Variants in RUNDC3A observed in about 807,000 individuals in gnomAD.
RUNDC3A encodes RUN domain-containing protein 3A.
RUNDC3A carries 28 observed loss-of-function variants against 53.9 expected under a neutral mutation model. That is an observed-to-expected ratio of 0.52 (90% CI 0.38 to 0.71). The LOEUF (loss-of-function observed/expected upper bound fraction) is 0.71. Ranked by LOEUF, RUNDC3A falls within the 30% of genes least tolerant of loss-of-function variation. The pLI is 0.00. For synonymous variants in RUNDC3A, 232 were observed against 249.4 expected (o/e 0.93, Z 0.66); for missense variants, 491 against 597.3 (o/e 0.82, Z 1.85).
intron 1 of RUNDC3A, 137 bp downstream of exon 1, chr17:44,309,076 C>T (rs1402389466): frequency 1.6e-6 from 1 of 625,846 alleles, no homozygotes; most frequent in African/African-American, 1.9e-5. Flanking sequence ...CACTGTCCCT[C>T]CCAGGCCCAG....
intron 4 of RUNDC3A, 190 bp from the exon 5 acceptor site, chr17:44,314,545 T>C (rs996718554): frequency 1.2e-5 from 17 of 1,431,886 alleles, no homozygotes; most frequent in Non-Finnish European, 1.4e-5. Context: ...ACACCCATTC[T>C]AGGTGATGGG....
chr17:44,318,057 T>C (rs182333154), intron 10 of RUNDC3A, 39 bp from the exon 11 acceptor site: 6 of 1,545,208 alleles, frequency 3.9e-6, no homozygotes, highest in Admixed American at 2.0e-5. Flanking sequence ...CCCACACATG[T>C]AGACTGGTCG....
At chr17:44,313,313 T>G (rs2047786186) in intron 3 of RUNDC3A, 61 bp downstream of exon 3, 3 of 1,607,498 alleles carry the variant, frequency 1.9e-6, no homozygotes, top group Non-Finnish European at 2.6e-6. Context: ...TGCCTGTTTC[T>G]TGGTTTTTGC....
At chr17:44,317,256 A>G (rs2047885758) in intron 10 of RUNDC3A, 1 of 608,576 alleles carries the variant, frequency 1.6e-6, no homozygotes, top group African/African-American at 1.8e-5. Context: ...TCCTCTGACC[A>G]TGTGAGCTTG....
chr17:44,317,629 T>G, intron 10 of RUNDC3A: 1 of 738,970 alleles, frequency 1.4e-6, no homozygotes. Context: ...TCTTTTCTTT[T>G]TTATAAGCAA....
At position 44,314,674 on chromosome 17, in the gene RUNDC3A, T is replaced by TTGG. The variant is rs1491520025; in HGVS notation, c.459-61_459-60insTGG. On this transcript the variant is annotated intron_variant, in intron 4 of 10. Transcript: ENST00000426726. ...GGCAGTAAGCCAACAATAGCAGCTC[T>TTGG]GGGGGGGGGGGGGGCGCTCCAGGGG... The TTGG allele has an allele frequency of 2.0e-5, 17 of 840,468 alleles. 1 individual carries two copies. The African/African-American group carries it at 3.5e-4, about 17-fold the overall frequency. 52.1% of individuals were successfully genotyped at this position (840,468 alleles called of 1,614,324 possible). A position where few individuals can be genotyped will look rare whatever the true frequency, so the allele number is the denominator to read the frequency against.
rs938986696 is a variant in RUNDC3A, at chr17:44,315,402, C to G, written c.796-50C>G. 4 of 1,333,518 alleles carry G rather than the reference C, an allele frequency of 3.0e-6. No homozygotes were observed. The African/African-American group carries it at 6.2e-5, about 21-fold the overall frequency. The allele number at this position is 1,333,518 out of a possible 1,614,324, so 82.6% of individuals were successfully genotyped here. A position where few individuals can be genotyped will look rare whatever the true frequency, so the allele number is the denominator to read the frequency against. The stretch of plus-strand genomic sequence containing the variant: ...CCCGGGGCGGGGCGGGGATGGGGGC[C>G]GCGGCCGGGACGTCCTCCCAGCCGC... On this transcript the variant is annotated intron_variant, in intron 7 of 10. Transcript: ENST00000426726. This position sits in a 1 kb window ranked among gnomAD's most constrained non-coding sequence, Gnocchi z 6.1.
In RUNDC3A at chr17:44,318,116, A is replaced by C; in HGVS notation, c.1219A>C (p.Met407Leu). ...GPIGKDPTPSMLGLCGSLASI... is the reference protein window; with the variant it reads ...GPIGKDPTPSLLGLCGSLASI... ...CCCAGGGAAGGACCCCACGCCCTCC[A>C]TGCTGGGCCTCTGCGGCTCCCTGGC... The change falls in exon 11 of 11, where the codon ATG becomes CTG. Residue 407 changes from methionine to leucine, a missense_variant. This residue lies in a region of RUNDC3A where 218 missense variants were observed against 208.2 expected (regional missense o/e 1.05). Transcript: ENST00000426726. The C allele has an allele frequency of 6.4e-7, 1 of 1,551,456 alleles. No homozygotes were observed. The highest frequency in any genetic ancestry group is 8.7e-7 in the Non-Finnish European group (1 of 1,146,904).
Position 44,314,679 on chromosome 17 carries a change from G to GGC in RUNDC3A, c.459-55_459-54insCG, listed in dbSNP as rs1555604012. 3 of 1,308,512 alleles carry GGC rather than the reference G, an allele frequency of 2.3e-6. No homozygotes were observed. The South Asian group carries it at 4.3e-5, about 19-fold the overall frequency. The allele number at this position is 1,308,512 out of a possible 1,614,324, so 81.1% of individuals were successfully genotyped here. On this transcript the variant is annotated intron_variant, in intron 4 of 10. Coordinates refer to ENST00000426726, the MANE Select transcript of RUNDC3A (RefSeq NM_001144825.2). ...TAAGCCAACAATAGCAGCTCTGGGGGGGGGGGGGGCGCTCCAGGGGCCTGC... is the reference window on the plus strand; with the variant it reads ...TAAGCCAACAATAGCAGCTCTGGGGGGCGGGGGGGGGCGCTCCAGGGGCCTGC...
At chr17:44,317,413 A>C in intron 10 of RUNDC3A, 1 of 779,954 alleles carries the variant, frequency 1.3e-6, no homozygotes, top group Non-Finnish European at 2.4e-6. Context: ...CCTTAGACTA[A>C]TTTGCTCTTA....
At position 44,318,352 on chromosome 17, in the gene RUNDC3A, A is replaced by G. The variant is rs1009566650; in HGVS notation, c.*114A>G. 3 of 1,168,124 alleles carry G rather than the reference A, an allele frequency of 2.6e-6. No homozygotes were observed. In the African/African-American group the frequency reaches 4.6e-5, roughly 18 times the overall value. The allele number at this position is 1,168,124 out of a possible 1,614,324, so 72.4% of individuals were successfully genotyped here. On this transcript the variant is annotated 3_prime_UTR_variant, in exon 11 of 11. Transcript: ENST00000426726. ...CCCTTCCAGAGAACGCTACCCACCC[A>G]GCCAGGGTTCTCTCGGGGAAGATCT...
chr17:44,317,229 A>G lies in RUNDC3A; in HGVS notation c.1198+504A>G, dbSNP rs2047885111. 3 of 589,008 alleles carry G rather than the reference A, an allele frequency of 5.1e-6. No individual in the cohort carries two copies. In the South Asian group the frequency reaches 6.0e-5, roughly 12 times the overall value. The allele number at this position is 589,008 out of a possible 1,614,324, so 36.5% of individuals were successfully genotyped here. A position where few individuals can be genotyped will look rare whatever the true frequency, so the allele number is the denominator to read the frequency against. On this transcript the variant is annotated intron_variant, in intron 10 of 10. Transcript: ENST00000426726. ...GAACACAGCATATGCAGAACCCAGCATAAATCTGGCTGTGCCTCCTCTGAC... is the reference window on the plus strand; with the variant it reads ...GAACACAGCATATGCAGAACCCAGCGTAAATCTGGCTGTGCCTCCTCTGAC...
chr17:44,318,062 T>G (rs887311962), intron 10 of RUNDC3A, 34 bp from the exon 11 acceptor site: 1 of 1,546,078 alleles, frequency 6.5e-7, no homozygotes, highest in African/African-American at 1.4e-5. Context: ...ACATGTAGAC[T>G]GGTCGCTTGG....
At chr17:44,313,285 C>T in intron 3 of RUNDC3A, 33 bp downstream of exon 3, 5 of 1,611,986 alleles carry the variant, frequency 3.1e-6, no homozygotes, top group Non-Finnish European at 3.4e-6. Context: ...CTGCTCTCTG[C>T]TCTGGACACA....
intron 10 of RUNDC3A, among the ~76,000 whole-genome samples, chr17:44,317,325 A>G (rs1433274200): frequency 1.3e-5 from 2 of 152,156 alleles, no homozygotes; most frequent in African/African-American, 4.8e-5. Flanking sequence ...GATAATCACC[A>G]ATGTTGTCAC....
intron 4 of RUNDC3A, chr17:44,314,509 C>T: frequency 7.0e-7 from 1 of 1,418,640 alleles, no homozygotes; most frequent in East Asian, 2.5e-5. Context: ...GAAGGGGTAG[C>T]TCAGAGGGAG....
In RUNDC3A at chr17:44,316,377, C is replaced by G. The variant is rs767111929; in HGVS notation, c.954-8C>G. ...CCAGCCAGGCCTGACTCCTCCTCCC[C>G]CTCCCAGGACAGGTCTGATCCCCAG... On this transcript the variant is annotated splice_region_variant and splice_polypyrimidine_tract_variant and intron_variant, in intron 8 of 10. Coordinates refer to ENST00000426726, the MANE Select transcript of RUNDC3A (RefSeq NM_001144825.2). 4 of 1,604,464 alleles carry G rather than the reference C, an allele frequency of 2.5e-6. No individual in the cohort carries two copies. The highest frequency in any genetic ancestry group is 1.3e-5 in the African/African-American group (1 of 74,740).
In RUNDC3A at chr17:44,316,522, G is replaced by A; in HGVS notation, c.1091G>A (p.Arg364Lys). The change falls in exon 9 of 11, where the codon AGA becomes AAA. Residue 364 changes from arginine (R) to lysine (K), a missense_variant and splice_region_variant. Arg to Lys is a conservative substitution (Grantham distance 26). This residue lies in a region of RUNDC3A where 218 missense variants were observed against 208.2 expected (regional missense o/e 1.05). Transcript: ENST00000426726. Reference protein sequence around the residue: ...EGASNSKLYRRHSFMSTEPLS... With the variant: ...EGASNSKLYRKHSFMSTEPLS... ...GCCAGCAACTCCAAGCTCTACCGGAGGTAAGCCCCAGCCAGGTGGGGCTTG... is the reference window on the plus strand; with the variant it reads ...GCCAGCAACTCCAAGCTCTACCGGAAGTAAGCCCCAGCCAGGTGGGGCTTG... 5.0e-6 allele frequency: 8 copies of A among 1,612,076 alleles called. No individual in the cohort carries two copies. The highest frequency in any genetic ancestry group is 6.8e-6 in the Non-Finnish European group (8 of 1,179,246).
At chr17:44,317,633 T>G in intron 10 of RUNDC3A, 1 of 732,642 alleles carries the variant, frequency 1.4e-6, no homozygotes, top group South Asian at 1.4e-5. Flanking sequence ...TTCTTTTTTA[T>G]AAGCAACCAC....
Sources: allele counts gnomAD v4.1 joint callset (sites outside exome capture counted in the v4.1 genomes callset), GRCh38; gene constraint gnomAD v4.1.1; regional missense constraint gnomAD v4.1.1; non-coding constraint Gnocchi (gnomAD v3.1); transcripts MANE v1.5; gene names NCBI Gene and HGNC (gene_info 2026-07-23, HGNC 2026-07-21).